Variants in ANKRD13C observed in about 807,000 individuals in gnomAD.
The protein encoded by ANKRD13C is ankyrin repeat domain-containing protein 13C.
In ANKRD13C, 16 loss-of-function variants were observed where a neutral mutation model predicts 65.5. The ratio of observed to expected loss-of-function variants is 0.24; its 90% CI spans 0.17 to 0.37. ANKRD13C has a LOEUF of 0.37. Among genes scored for constraint, ANKRD13C ranks in the 10% least tolerant of loss-of-function variants. ANKRD13C has a pLI of 1.00. For missense variants in ANKRD13C, 503 were observed against 655.9 expected (o/e 0.77, Z 2.55); for synonymous variants, 235 against 238.7 (o/e 0.98, Z 0.14).
At chr1:70,278,508 G>A (rs1055923850) in intron 9 of ANKRD13C, among the ~76,000 whole-genome samples, 1 of 151,830 alleles carries the variant, frequency 6.6e-6, no homozygotes, top group Non-Finnish European at 1.5e-5. Flanking sequence ...GAAACAGAGC[G>A]ACTCTATGTC....
At chr1:70,279,002 A>T (rs1489330809) in intron 9 of ANKRD13C, among the ~76,000 whole-genome samples, 2 of 151,926 alleles carry the variant, frequency 1.3e-5, no homozygotes, top group African/African-American at 4.8e-5. Flanking sequence ...GGAGTTTGAG[A>T]CTAGCCTGGG....
At chr1:70,276,468 C>T (rs531777912) in intron 10 of ANKRD13C, among the ~76,000 whole-genome samples, 31 of 152,228 alleles carry the variant, frequency 2.0e-4, no homozygotes, top group African/African-American at 6.5e-4. Context: ...AACTGTCCTG[C>T]GCAATTTCCT....
intron 1 of ANKRD13C, among the ~76,000 whole-genome samples, chr1:70,337,761 T>A (rs893512980): frequency 6.6e-6 from 1 of 152,094 alleles, no homozygotes; most frequent in Admixed American, 6.6e-5. Flanking sequence ...GAGGTACAAA[T>A]TTCCATTGGT....
intron 1 of ANKRD13C, among the ~76,000 whole-genome samples, chr1:70,338,254 C>T (rs1682141791): frequency 6.6e-6 from 1 of 152,102 alleles, no homozygotes; most frequent in African/African-American, 2.4e-5. Context: ...TGTATGTCGG[C>T]AATTTTTCAA....
chr1:70,352,219 A>G (rs1682770307), intron 1 of ANKRD13C, among the ~76,000 whole-genome samples: 1 of 151,810 alleles, frequency 6.6e-6, no homozygotes, highest in Admixed American at 6.6e-5. Flanking sequence ...GGGCGCCTGT[A>G]CTACCAGCTA....
At chr1:70,337,353 G>A (rs1041328201) in intron 1 of ANKRD13C, among the ~76,000 whole-genome samples, 1 of 152,214 alleles carries the variant, frequency 6.6e-6, no homozygotes, top group South Asian at 2.1e-4. Flanking sequence ...AAAGTGGCAG[G>A]CAGATCACCC....
At chr1:70,321,207 C>T (rs1374006361) in intron 3 of ANKRD13C, among the ~76,000 whole-genome samples, 6 of 152,038 alleles carry the variant, frequency 3.9e-5, no homozygotes, top group African/African-American at 9.7e-5. Context: ...TGAAGTCTCA[C>T]AAAGCTTATA....
At chr1:70,314,350 C>G (rs1370863160) in intron 4 of ANKRD13C, among the ~76,000 whole-genome samples, 5 of 151,650 alleles carry the variant, frequency 3.3e-5, no homozygotes, top group Non-Finnish European at 7.4e-5. Context: ...TCCCAAGTAG[C>G]TGGGACTACA....
At chr1:70,296,332 T>C in intron 7 of ANKRD13C, 71 bp from the exon 8 acceptor site, 1 of 1,431,502 alleles carries the variant, frequency 7.0e-7, no homozygotes. Flanking sequence ...CATATGAAAA[T>C]ATCAACAATT....
chr1:70,300,283 T>C (rs548111717), intron 7 of ANKRD13C, among the ~76,000 whole-genome samples: 6 of 151,862 alleles, frequency 4.0e-5, no homozygotes, highest in South Asian at 2.1e-4. Flanking sequence ...GACCAGAGGA[T>C]AGAAATATAA....
In ANKRD13C at chr1:70,354,189, CG is replaced by C; in HGVS notation, c.219del (p.Gly74AlafsTer12). On this transcript the variant is annotated frameshift_variant, in exon 1 of 13. Transcript: ENST00000370944. LOFTEE classifies it high-confidence loss of function. ...TTGTGCAGCGGCAGAGCCGGGGCGC[CG>C]GGGGGATTGGAGGAGGCCGGAGCTG... ...LKAAPASSNP[P>X]GAPALPLHNS... 2 of 1,613,818 alleles carry C rather than the reference CG, an allele frequency of 1.2e-6. No individual in the cohort carries two copies.
At chr1:70,281,573 T>C (rs1337097515) in intron 9 of ANKRD13C, among the ~76,000 whole-genome samples, 1 of 151,718 alleles carries the variant, frequency 6.6e-6, no homozygotes, top group Non-Finnish European at 1.5e-5. Context: ...CAGCTTGTTT[T>C]TACTTTTTTT....
intron 1 of ANKRD13C, among the ~76,000 whole-genome samples, chr1:70,338,200 C>T (rs1269684570): frequency 1.3e-5 from 2 of 152,148 alleles, no homozygotes; most frequent in Non-Finnish European, 2.9e-5. Flanking sequence ...GCATACCTAT[C>T]TCATGAAGAC....
chr1:70,275,863 A>G (rs1255576927), intron 10 of ANKRD13C, among the ~76,000 whole-genome samples: 1 of 147,396 alleles, frequency 6.8e-6, no homozygotes, highest in East Asian at 2.1e-4. Context: ...CGAGAGGCTG[A>G]GGTGAGAAAA....
At chr1:70,321,557 C>G (rs892698453) in intron 3 of ANKRD13C, among the ~76,000 whole-genome samples, 1 of 152,048 alleles carries the variant, frequency 6.6e-6, no homozygotes, top group Non-Finnish European at 1.5e-5. Context: ...AAACTGTGAA[C>G]AACTTCTGGA....
rs1362772149 is a variant in ANKRD13C at position 70,354,215 on chromosome 1, G to T, written c.194C>A (p.Ala65Glu). ...GGGGGGATTGGAGGAGGCCGGAGCT[G>T]CCTTCAGCTGTAGCCGGTGGTGATG... The part of the protein sequence containing the change: ...SNHHHRLQLK[A>E]APASSNPPGA... Residue 65 changes from alanine to glutamate, a missense_variant, in exon 1 of 13, where the codon GCA (alanine) becomes GAA (glutamate). By Grantham distance (107) the Ala-to-Glu change is moderately radical. Around this residue, in one of 2 missense-constraint regions of ANKRD13C, gnomAD observed 203 missense variants for 177.6 expected, o/e 1.14. Coordinates refer to ENST00000370944, the MANE Select transcript of ANKRD13C (RefSeq NM_030816.5). The T allele has an allele frequency of 6.2e-7, 1 of 1,613,642 alleles. No homozygotes were observed. Among genetic ancestry groups the T allele is most frequent in the East Asian group, 2.2e-5 (1 of 44,878 alleles).
intron 3 of ANKRD13C, among the ~76,000 whole-genome samples, chr1:70,320,527 T>C (rs916895263): frequency 1.6e-4 from 25 of 151,750 alleles, no homozygotes; most frequent in African/African-American, 6.1e-4. Flanking sequence ...TAGAGACAGG[T>C]TTTTGCCATG....
In ANKRD13C at chr1:70,296,335, C is replaced by T. The variant is rs577636646; in HGVS notation, c.922-74G>A. 216 of 1,424,738 alleles carry T rather than the reference C, an allele frequency of 1.5e-4. No individual in the cohort carries two copies. The African/African-American group carries it at 2.8e-3, about 18-fold the overall frequency. 88.3% of individuals were successfully genotyped at this position (1,424,738 alleles called of 1,614,324 possible). ...TTCTTAGTACTACATATGAAAATAT[C>T]AACAATTATAATGGTACCAATTTTT... is the stretch of plus-strand genomic sequence containing the variant. On this transcript the variant is annotated intron_variant, in intron 7 of 12. Transcript: ENST00000370944.
At chr1:70,290,101 A>G (rs1399996230) in intron 9 of ANKRD13C, among the ~76,000 whole-genome samples, 1 of 152,048 alleles carries the variant, frequency 6.6e-6, no homozygotes, top group African/African-American at 2.4e-5. Context: ...AGGAGCACAA[A>G]TGAGATGTGG....
Sources: allele counts gnomAD v4.1 joint callset (sites outside exome capture counted in the v4.1 genomes callset), GRCh38; gene constraint gnomAD v4.1.1; regional missense constraint gnomAD v4.1.1; transcripts MANE v1.5; gene names NCBI Gene and HGNC (gene_info 2026-07-23, HGNC 2026-07-21).